Variants in GPD2 observed in about 807,000 individuals in gnomAD.
The protein encoded by GPD2 is glycerol-3-phosphate dehydrogenase, mitochondrial.
GPD2 carries 54 observed loss-of-function variants against 82.4 expected under a neutral mutation model. The ratio of observed to expected loss-of-function variants is 0.66; its 90% CI spans 0.53 to 0.82. GPD2 has a LOEUF of 0.82. Among genes scored for constraint, GPD2 ranks in the 40% least tolerant of loss-of-function variants. The pLI is 0.00. For missense variants in GPD2, 748 were observed against 896.2 expected, an observed-to-expected ratio of 0.83 and a Z score of 2.11; for synonymous variants, 288 against 306.1, an observed-to-expected ratio of 0.94 and a Z score of 0.62.
chr2:156,480,703 AT>A (rs1241499524), intron 2 of GPD2, among the ~76,000 whole-genome samples: 1 of 150,848 alleles, frequency 6.6e-6, no homozygotes, highest in African/African-American at 2.4e-5. Context: ...GGATGTGAAA[AT>A]TTTTTTCCCC....
intron 16 of GPD2, among the ~76,000 whole-genome samples, chr2:156,581,585 A>G (rs932217279): frequency 2.0e-5 from 3 of 152,066 alleles, no homozygotes; most frequent in African/African-American, 7.2e-5. Context: ...TTTTTAAAAT[A>G]TTTTGCTCTT....
At chr2:156,558,628 C>G (rs1687048711) in intron 9 of GPD2, among the ~76,000 whole-genome samples, 1 of 152,030 alleles carries the variant, frequency 6.6e-6, no homozygotes, top group African/African-American at 2.4e-5. Flanking sequence ...GATGGAGTCT[C>G]ACTCTGTCAC....
chr2:156,519,298 A>G (rs1389048754), intron 6 of GPD2, among the ~76,000 whole-genome samples: 1 of 152,124 alleles, frequency 6.6e-6, no homozygotes, highest in Non-Finnish European at 1.5e-5. Flanking sequence ...GTTTAGTGAG[A>G]GGACAGATTG....
intron 2 of GPD2, among the ~76,000 whole-genome samples, chr2:156,486,083 G>A (rs575695848): frequency 6.6e-6 from 1 of 152,298 alleles, no homozygotes; most frequent in African/African-American, 2.4e-5. Flanking sequence ...GATAAGGCCA[G>A]TTGAAACTAT....
Position 156,447,934 on chromosome 2 carries a change from G to T in GPD2, c.-9+11421G>T, listed in dbSNP as rs79409467. On this transcript the variant is annotated intron_variant, in intron 1 of 16. Transcript: ENST00000438166. Reference sequence around the variant, plus strand: ...TCAACATTCTTGGGCAGACTTATTCGCTGAACTCAGGCATTTCCACTTGCA... The same window carrying T: ...TCAACATTCTTGGGCAGACTTATTCTCTGAACTCAGGCATTTCCACTTGCA... 1.8e-3 allele frequency among the ~76,000 whole-genome samples: 271 copies of T among 152,094 alleles called. 1 individual carries two copies. Among genetic ancestry groups the T allele is most frequent in the African/African-American group, 6.1e-3 (253 of 41,488 alleles).
intron 2 of GPD2, among the ~76,000 whole-genome samples, chr2:156,480,366 G>A (rs1023679441): frequency 5.3e-5 from 8 of 152,078 alleles, no homozygotes; most frequent in African/African-American, 1.4e-4. Flanking sequence ...GTGGGAAGGA[G>A]TACAGGGATT....
chr2:156,493,388 G>A (rs1046360578), intron 2 of GPD2, among the ~76,000 whole-genome samples: 3 of 152,090 alleles, frequency 2.0e-5, no homozygotes, highest in Non-Finnish European at 4.4e-5. Flanking sequence ...AAGATTTACA[G>A]GTCTATCGGG....
chr2:156,400,805 T>C, the GPD2 span, among the ~76,000 whole-genome samples: 37 of 152,340 alleles, frequency 2.4e-4, no homozygotes, highest in East Asian at 6.7e-3. Context: ...GCGCTTCGCA[T>C]GTGTGAGGTC....
At chr2:156,417,010 G>A in the GPD2 span, among the ~76,000 whole-genome samples, 2 of 152,130 alleles carry the variant, frequency 1.3e-5, no homozygotes, top group East Asian at 1.9e-4. Flanking sequence ...CTTTACTCAG[G>A]CACTTTTGGT....
At chr2:156,431,416 GT>G (rs1688315242), upstream of GPD2, among the ~76,000 whole-genome samples, 2 of 151,620 alleles carry the variant, frequency 1.3e-5, no homozygotes, top group South Asian at 4.2e-4. Flanking sequence ...GTTTGATTTG[GT>G]TTTAATACTA....
At chr2:156,571,756 G>A (rs533906962) in intron 13 of GPD2, among the ~76,000 whole-genome samples, 4 of 150,564 alleles carry the variant, frequency 2.7e-5, no homozygotes, top group African/African-American at 7.3e-5. Context: ...ACACACACAC[G>A]CACAACACAT....
At chr2:156,414,780 T>C in the GPD2 span, among the ~76,000 whole-genome samples, 1 of 152,202 alleles carries the variant, frequency 6.6e-6, no homozygotes, top group Non-Finnish European at 1.5e-5. Context: ...TATTATATCA[T>C]TCCCATTTAC....
chr2:156,410,394 C>G, the GPD2 span, among the ~76,000 whole-genome samples: 1 of 152,200 alleles, frequency 6.6e-6, no homozygotes, highest in African/African-American at 2.4e-5. Flanking sequence ...GACACAAAAC[C>G]TCAGAGAGGC....
chr2:156,458,438 A>G (rs1466416031), intron 1 of GPD2, among the ~76,000 whole-genome samples: 1 of 152,234 alleles, frequency 6.6e-6, no homozygotes, highest in East Asian at 1.9e-4. Context: ...TGCAATAACT[A>G]AAAATGTAGG....
At chr2:156,561,574 T>C (rs1281276862) in intron 9 of GPD2, among the ~76,000 whole-genome samples, 1 of 152,178 alleles carries the variant, frequency 6.6e-6, no homozygotes, top group Non-Finnish European at 1.5e-5. Context: ...CTGACCTTAT[T>C]TGAATTTGAA....
chr2:156,401,224 C>G, the GPD2 span, among the ~76,000 whole-genome samples: 1 of 152,284 alleles, frequency 6.6e-6, no homozygotes, highest in East Asian at 1.9e-4. Flanking sequence ...ATGCTTATAG[C>G]AAATGTGCTT....
intron 6 of GPD2, among the ~76,000 whole-genome samples, chr2:156,541,777 A>G (rs1686320573): frequency 7.4e-6 from 1 of 135,024 alleles, no homozygotes; most frequent in South Asian, 2.3e-4. Flanking sequence ...ATTTTGTCAC[A>G]TTGCTCCCTT....
At chr2:156,413,904 CAA>C in the GPD2 span, among the ~76,000 whole-genome samples, 2 of 152,240 alleles carry the variant, frequency 1.3e-5, no homozygotes, top group African/African-American at 4.8e-5. Flanking sequence ...AACTCTGTCT[CAA>C]ATAAATAAAT....
intron 3 of GPD2, among the ~76,000 whole-genome samples, chr2:156,500,440 G>T (rs1407859280): frequency 5.3e-5 from 8 of 152,092 alleles, no homozygotes; most frequent in Non-Finnish European, 1.2e-4. Flanking sequence ...TTCATTCATG[G>T]AATTTGCTCT....
Sources: gnomAD v4.1 joint callset for allele counts (sites outside exome capture counted in the v4.1 genomes callset) on GRCh38, gnomAD v4.1.1 for gene constraint, MANE v1.5 for transcripts, NCBI Gene and HGNC (gene_info 2026-07-23, HGNC 2026-07-21) for gene names.